TP53INP1: variants seen among roughly 807,000 people sequenced by gnomAD.
TP53INP1 encodes the protein tumor protein p53 inducible nuclear protein 1.
A neutral mutation model predicts 21.0 loss-of-function variants in TP53INP1; 12 were observed. That is an observed-to-expected ratio of 0.57 (90% CI 0.37 to 0.93). The LOEUF is 0.93. Among genes scored for constraint, TP53INP1 ranks in the 40% least tolerant of loss-of-function variants. The probability of loss-of-function intolerance (pLI) is 0.01; values close to 1 mark genes in which losing one functional copy is unlikely to be tolerated. For synonymous variants in TP53INP1, 91 were observed against 94.8 expected (o/e 0.96, Z 0.23); for missense variants, 274 against 294.7 (o/e 0.93, Z 0.51).
intron 3 of TP53INP1, among the ~76,000 whole-genome samples, chr8:94,931,121 A>G (rs1399712028): frequency 6.6e-6 from 1 of 152,240 alleles, no homozygotes; most frequent in Non-Finnish European, 1.5e-5. Flanking sequence ...CCATAATCTT[A>G]AAAGGAAAAT....
rs1819944069 is a variant in TP53INP1, at chr8:94,926,889, A to G, written c.*3590T>C. ...ATAAAGCATTTTATGTATAATTTTAAGCATTAAAGTAAGTAGATAGGGATG... is the reference window on the plus strand; with the variant it reads ...ATAAAGCATTTTATGTATAATTTTAGGCATTAAAGTAAGTAGATAGGGATG... On this transcript the variant is annotated 3_prime_UTR_variant, in exon 4 of 4. Transcript: ENST00000342697. 1 of 152,230 alleles carries G rather than the reference A, an allele frequency of 6.6e-6. No homozygotes were observed. 9.4% of individuals were successfully genotyped at this position (152,230 alleles called of 1,614,324 possible).
rs1170343683 is a variant in TP53INP1 at position 94,928,151 on chromosome 8, AG to A, written c.*2327del. On this transcript the variant is annotated 3_prime_UTR_variant, in exon 4 of 4. Transcript: ENST00000342697. Reference sequence around the variant, plus strand: ...TGTGGTAATCCCAACCTTGAAAAAAAGCCCAACGAATGTAATTTTTTGTTTT... The same window carrying A: ...TGTGGTAATCCCAACCTTGAAAAAAACCCAACGAATGTAATTTTTTGTTTT... 1 of 152,236 alleles carries A rather than the reference AG, an allele frequency of 6.6e-6. No individual in the cohort carries two copies. Among genetic ancestry groups the A allele is most frequent in the Non-Finnish European group, 1.5e-5 (1 of 68,044 alleles). 9.4% of individuals were successfully genotyped at this position (152,236 alleles called of 1,614,324 possible).
intron 3 of TP53INP1, among the ~76,000 whole-genome samples, chr8:94,932,982 C>A (rs1051145319): frequency 6.6e-6 from 1 of 152,090 alleles, no homozygotes; most frequent in Non-Finnish European, 1.5e-5. Context: ...TTTGGGAGGT[C>A]AAGGTGGGCG....
chr8:94,948,082 T>C (rs1008350857), intron 1 of TP53INP1, among the ~76,000 whole-genome samples: 1 of 152,184 alleles, frequency 6.6e-6, no homozygotes, highest in African/African-American at 2.4e-5. Context: ...TTTTTAGCAA[T>C]AGATGCCCAA....
At position 94,927,634 on chromosome 8, in the gene TP53INP1, C is replaced by T. The variant is rs558388904; in HGVS notation, c.*2845G>A. 1 of 152,170 alleles carries T rather than the reference C, an allele frequency of 6.6e-6. No individual in the cohort carries two copies. Among genetic ancestry groups the T allele is most frequent in the South Asian group, 2.1e-4 (1 of 4,820 alleles). 9.4% of individuals were successfully genotyped at this position (152,170 alleles called of 1,614,324 possible). On this transcript the variant is annotated 3_prime_UTR_variant, in exon 4 of 4. Transcript: ENST00000342697. ...GATGGCTAATTTTCACCTTACAGTG[C>T]AGTACACAATTAGTTGAGAAAAAAA... is the stretch of plus-strand genomic sequence containing the variant.
intron 2 of TP53INP1, among the ~76,000 whole-genome samples, chr8:94,940,445 CTGTGTG>C (rs60473555): frequency 0.62 from 92,694 of 150,374 alleles, 29,347 homozygotes; most frequent in East Asian, 0.78. Context: ...CACAGAAATT[CTGTGTG>C]TGTGTGTGTG....
Position 94,930,410 on chromosome 8 carries a change from T to C in TP53INP1, c.*69A>G, listed in dbSNP as rs1483642634. The C allele has an allele frequency of 1.9e-6, 3 of 1,568,728 alleles. No individual in the cohort carries two copies. Among genetic ancestry groups the C allele is most frequent in the Admixed American group, 1.8e-5 (1 of 55,382 alleles). On this transcript the variant is annotated 3_prime_UTR_variant, in exon 4 of 4. Transcript: ENST00000342697. ...GGTTGTAAAGAGACAACATTTTCAC[T>C]GTACATATACACACATCCATACATG...
chr8:94,935,128 T>TATAGATAGATATAGATAG (rs1554630989), intron 3 of TP53INP1, among the ~76,000 whole-genome samples: 29 of 144,750 alleles, frequency 2.0e-4, no homozygotes, highest in African/African-American at 7.3e-4. Context: ...GGTAGATAGA[T>TATAGATAGATATAGATAG]ATAGATAGAT....
At position 94,927,955 on chromosome 8, in the gene TP53INP1, G is replaced by A. The variant is rs896888728; in HGVS notation, c.*2524C>T. 2 of 152,016 alleles carry A rather than the reference G, an allele frequency of 1.3e-5. No individual in the cohort carries two copies. Among genetic ancestry groups the A allele is most frequent in the African/African-American group, 4.8e-5 (2 of 41,344 alleles). 9.4% of individuals were successfully genotyped at this position (152,016 alleles called of 1,614,324 possible). On this transcript the variant is annotated 3_prime_UTR_variant, in exon 4 of 4. Coordinates refer to ENST00000342697, the MANE Select transcript of TP53INP1 (RefSeq NM_033285.4). ...AAATGCATTTTGGCCATGTTTCAGA[G>A]AATACTTAACAGGTCAACATCGTTC... is the stretch of plus-strand genomic sequence containing the variant.
chr8:94,946,715 A>AAAAAAAAAAAAAAAAAAAC (rs1482522605), intron 1 of TP53INP1, among the ~76,000 whole-genome samples: 1 of 149,172 alleles, frequency 6.7e-6, no homozygotes, highest in South Asian at 2.2e-4. Flanking sequence ...AAAAAAAAAA[A>AAAAAAAAAAAAAAAAAAAC]AAAAAGACAG....
In TP53INP1 at chr8:94,929,654, T is replaced by G. The variant is rs531811219; in HGVS notation, c.*825A>C. On this transcript the variant is annotated 3_prime_UTR_variant, in exon 4 of 4. Coordinates refer to ENST00000342697, the MANE Select transcript of TP53INP1 (RefSeq NM_033285.4). ...TTCCAAATTTATAGCTGATGCGAGG[T>G]GAGGAGTGGACAGAATTGGCGGGAA... The G allele has an allele frequency of 6.6e-6, 1 of 152,170 alleles. No individual in the cohort carries two copies. The highest frequency in any genetic ancestry group is 2.1e-4 in the South Asian group (1 of 4,818). 9.4% of individuals were successfully genotyped at this position (152,170 alleles called of 1,614,324 possible).
chr8:94,926,348 C>T lies in TP53INP1; in HGVS notation c.*4131G>A, dbSNP rs558850496. ...CAGTCTACAATACTCTTCAGTCTCC[C>T]TAACTCATGCCCTGCCCCTATAAAG... On this transcript the variant is annotated 3_prime_UTR_variant, in exon 4 of 4. Transcript: ENST00000342697. The T allele has an allele frequency of 9.9e-5, 15 of 152,074 alleles. No individual in the cohort carries two copies. Among genetic ancestry groups the T allele is most frequent in the African/African-American group, 3.4e-4 (14 of 41,304 alleles). The allele number at this position is 152,074 out of a possible 1,614,324, so 9.4% of individuals were successfully genotyped here.
At chr8:94,938,681 G>A (rs988295143) in intron 3 of TP53INP1, among the ~76,000 whole-genome samples, 4 of 152,232 alleles carry the variant, frequency 2.6e-5, no homozygotes, top group Admixed American at 6.5e-5. Flanking sequence ...GGGAGCCTCT[G>A]GAGAGCTGAA....
intron 3 of TP53INP1, among the ~76,000 whole-genome samples, chr8:94,933,834 T>TC (rs1554630442): frequency 6.8e-5 from 4 of 59,030 alleles, no homozygotes; most frequent in African/African-American, 2.5e-4. Flanking sequence ...CAGCACTTTG[T>TC]GGGGGGGGGG....
At chr8:94,933,828 A>G (rs959198184) in intron 3 of TP53INP1, among the ~76,000 whole-genome samples, 3 of 41,202 alleles carry the variant, frequency 7.3e-5, no homozygotes, top group African/African-American at 1.1e-4. Context: ...TAATCCCAGC[A>G]CTTTGTGGGG....
At chr8:94,941,172 C>CCTG in intron 1 of TP53INP1, 81 bp from the exon 2 acceptor site, 2 of 394,420 alleles carry the variant, frequency 5.1e-6, no homozygotes, top group South Asian at 6.5e-5. Context: ...CACACATACC[C>CCTG]TTAGAAGAAA....
At chr8:94,937,676 A>G (rs764245487) in intron 3 of TP53INP1, among the ~76,000 whole-genome samples, 1 of 152,046 alleles carries the variant, frequency 6.6e-6, no homozygotes, top group Non-Finnish European at 1.5e-5. Context: ...TGGTCCTAGG[A>G]CCAGGGCTGT....
chr8:94,931,609 C>CATAT (rs1554629448), intron 3 of TP53INP1, among the ~76,000 whole-genome samples: 1 of 151,562 alleles, frequency 6.6e-6, no homozygotes, highest in African/African-American at 2.4e-5. Flanking sequence ...CACACACACA[C>CATAT]ATAAAATTTT....
chr8:94,927,675 A>G lies in TP53INP1; in HGVS notation c.*2804T>C, dbSNP rs1820016839. The G allele has an allele frequency of 6.6e-6, 1 of 152,154 alleles. No homozygotes were observed. Among genetic ancestry groups the G allele is most frequent in the Admixed American group, 6.5e-5 (1 of 15,278 alleles). 9.4% of individuals were successfully genotyped at this position (152,154 alleles called of 1,614,324 possible). On this transcript the variant is annotated 3_prime_UTR_variant, in exon 4 of 4. Coordinates refer to ENST00000342697, the MANE Select transcript of TP53INP1 (RefSeq NM_033285.4). ...GAGAAAAAAAATAAACATAAGATAT[A>G]TATTATAAAATGTTTTGTCAACAAA... is the stretch of plus-strand genomic sequence containing the variant.
Sources: allele counts gnomAD v4.1 joint callset (sites outside exome capture counted in the v4.1 genomes callset), GRCh38; gene constraint gnomAD v4.1.1; transcripts MANE v1.5; gene names NCBI Gene and HGNC (gene_info 2026-07-23, HGNC 2026-07-21).